MAPK10: variants seen among roughly 807,000 people sequenced by gnomAD.
The protein encoded by MAPK10 is mitogen-activated protein kinase 10.
In MAPK10, 25 loss-of-function variants were observed where a neutral mutation model predicts 59.3. That is an observed-to-expected ratio of 0.42 (90% confidence interval 0.31 to 0.59). The LOEUF is 0.59. MAPK10 is among the 20% of genes least tolerant of loss of function. The pLI, the probability that MAPK10 is intolerant of heterozygous loss-of-function variation, is 0.15. For missense variants in MAPK10, 351 were observed against 568.9 expected (o/e 0.62, Z 3.90); for synonymous variants, 190 against 200.5 (o/e 0.95, Z 0.44).
At chr4:86,253,158 C>T (rs2093540559) in intron 2 of MAPK10, among the ~76,000 whole-genome samples, 1 of 25,926 alleles carries the variant, frequency 3.9e-5, no homozygotes, top group Admixed American at 4.1e-4. Flanking sequence ...AATTGAATAC[C>T]CTTTATTTCC....
At chr4:86,050,797 C>G (rs1243458116) in intron 11 of MAPK10, among the ~76,000 whole-genome samples, 1 of 152,138 alleles carries the variant, frequency 6.6e-6, no homozygotes, top group Non-Finnish European at 1.5e-5. Flanking sequence ...GAAGTGGTAA[C>G]AGATTGCTGT....
rs188163156 is a variant in MAPK10 at position 86,281,961 on chromosome 4, T to C, written c.-7+72569A>G. Among the ~76,000 whole-genome samples the C allele has an allele frequency of 2.3e-3, 345 of 152,306 alleles. 6 individuals carry two copies. Among genetic ancestry groups the C allele is most frequent in the Non-Finnish European group, 2.8e-4 (19 of 68,034 alleles). Reference sequence around the variant, plus strand: ...AATGGATGACTTTTAATAAGACTTTTATATTAGATAAAGGCCATGGCTATC... The same window carrying C: ...AATGGATGACTTTTAATAAGACTTTCATATTAGATAAAGGCCATGGCTATC... On this transcript the variant is annotated intron_variant, in intron 2 of 13. Coordinates refer to ENST00000641462, the MANE Select transcript of MAPK10 (RefSeq NM_138982.4).
intron 8 of MAPK10, 35 bp from the exon 9 acceptor site, chr4:86,098,630 G>C (rs754967219): frequency 1.1e-5 from 17 of 1,490,528 alleles, no homozygotes; most frequent in Non-Finnish European, 5.6e-6. Context: ...GAAGAAAAGG[G>C]AGGAAAGTAA....
chr4:86,188,112 T>G (rs1582289723), intron 3 of MAPK10, among the ~76,000 whole-genome samples: 1 of 152,280 alleles, frequency 6.6e-6, no homozygotes, highest in East Asian at 1.9e-4. Flanking sequence ...TATTCCATGG[T>G]GTGTATGTGG....
intron 1 of MAPK10, among the ~76,000 whole-genome samples, chr4:86,388,051 G>A (rs1179295046): frequency 1.3e-5 from 2 of 150,254 alleles, no homozygotes; most frequent in Non-Finnish European, 3.0e-5. Context: ...TAAACAAATG[G>A]GAGATTATCA....
chr4:86,264,737 G>A (rs2094153386), intron 2 of MAPK10, among the ~76,000 whole-genome samples: 1 of 152,198 alleles, frequency 6.6e-6, no homozygotes, highest in Non-Finnish European at 1.5e-5. Context: ...AGAAAGAAAA[G>A]ACGGGCAACC....
intron 1 of MAPK10, among the ~76,000 whole-genome samples, chr4:86,544,879 T>C (rs1759020198): frequency 6.6e-6 from 1 of 151,980 alleles, no homozygotes; most frequent in South Asian, 2.1e-4. Flanking sequence ...AAAGGTTTTT[T>C]TCTTTTTTTT....
chr4:86,445,715 G>A (rs954660069), intron 1 of MAPK10, among the ~76,000 whole-genome samples: 2 of 151,936 alleles, frequency 1.3e-5, no homozygotes, highest in South Asian at 2.1e-4. Flanking sequence ...AAGAAAAGAC[G>A]AGGGTTAAAT....
chr4:86,137,030 T>C (rs533093436), intron 4 of MAPK10, among the ~76,000 whole-genome samples: 1,609 of 151,822 alleles, frequency 0.011, 16 homozygotes, highest in South Asian at 0.028. Flanking sequence ...CCCAGATTCA[T>C]AAAGCAAGTC....
chr4:86,138,766 T>C lies in MAPK10; in HGVS notation c.236+20532A>G, dbSNP rs571266460. ...AAATTGTCCCTGTTTGCAGATGACA[T>C]GACTGTATATCTAGAAAACCCCATT... On this transcript the variant is annotated intron_variant, in intron 4 of 13. Transcript: ENST00000641462. Among the ~76,000 whole-genome samples the C allele has an allele frequency of 1.8e-3, 279 of 151,962 alleles. 1 individual carries two copies. The highest frequency in any genetic ancestry group is 3.1e-3 in the Non-Finnish European group (211 of 67,936).
At chr4:86,106,515 T>A (rs890589663) in intron 5 of MAPK10, among the ~76,000 whole-genome samples, 1 of 150,690 alleles carries the variant, frequency 6.6e-6, no homozygotes, top group African/African-American at 2.4e-5. Context: ...AATAATGAAT[T>A]ATCTCCTATT....
At chr4:86,386,988 G>A (rs1741547819) in intron 1 of MAPK10, among the ~76,000 whole-genome samples, 1 of 152,068 alleles carries the variant, frequency 6.6e-6, no homozygotes, top group South Asian at 2.1e-4. Context: ...AATTTAAAGA[G>A]TGTACAGAAA....
chr4:86,059,342 A>G (rs2045270067), intron 11 of MAPK10, among the ~76,000 whole-genome samples: 1 of 152,228 alleles, frequency 6.6e-6, no homozygotes, highest in Non-Finnish European at 1.5e-5. Context: ...GGCAAAAATA[A>G]CATAATCCCT....
At chr4:86,570,897 A>G (rs1578144651) in intron 1 of MAPK10, among the ~76,000 whole-genome samples, 1 of 152,142 alleles carries the variant, frequency 6.6e-6, no homozygotes, top group Non-Finnish European at 1.5e-5. Flanking sequence ...TCTTGAGATA[A>G]GCAGATGCCA....
chr4:86,155,535 G>C (rs570094638), intron 4 of MAPK10, among the ~76,000 whole-genome samples: 1 of 151,802 alleles, frequency 6.6e-6, no homozygotes, highest in Non-Finnish European at 1.5e-5. Flanking sequence ...GACCCCCAGT[G>C]GATGTCTGAA....
intron 1 of MAPK10, among the ~76,000 whole-genome samples, chr4:86,572,743 C>T (rs1761563165): frequency 1.3e-5 from 2 of 152,288 alleles, no homozygotes; most frequent in South Asian, 4.1e-4. Context: ...TGCCAAATGG[C>T]TGTGCCATAT....
At chr4:86,137,470 T>C (rs1437042331) in intron 4 of MAPK10, among the ~76,000 whole-genome samples, 11 of 134,386 alleles carry the variant, frequency 8.2e-5, no homozygotes, top group Middle Eastern at 3.5e-3. Context: ...GAAATAAAGA[T>C]GTTCTTTGAA....
intron 1 of MAPK10, among the ~76,000 whole-genome samples, chr4:86,469,782 A>G (rs141013349): frequency 7.4e-4 from 113 of 152,352 alleles, no homozygotes; most frequent in African/African-American, 2.5e-3. Flanking sequence ...AATACCAGAT[A>G]TAGCTTATTC....
At chr4:86,537,422 C>T (rs1196141316) in intron 1 of MAPK10, among the ~76,000 whole-genome samples, 2 of 152,052 alleles carry the variant, frequency 1.3e-5, no homozygotes, top group African/African-American at 4.8e-5. Flanking sequence ...GGTGATATCC[C>T]AATAGTAATA....
Sources: allele counts gnomAD v4.1 joint callset (sites outside exome capture counted in the v4.1 genomes callset), GRCh38; gene constraint gnomAD v4.1.1; transcripts MANE v1.5; gene names NCBI Gene and HGNC (gene_info 2026-07-23, HGNC 2026-07-21).